Variants in CUL3 observed in about 807,000 individuals in gnomAD.
The protein encoded by CUL3 is cullin 3.
A neutral mutation model predicts 89.1 loss-of-function variants in CUL3; 19 were observed. That is an observed-to-expected ratio of 0.21 (90% CI 0.15 to 0.31). The LOEUF (loss-of-function observed/expected upper bound fraction) is 0.31, where lower values mean the gene tolerates loss of function less well. CUL3 is among the 10% of genes least tolerant of loss of function. The pLI, the probability that CUL3 is intolerant of heterozygous loss-of-function variation, is 1.00. For missense variants in CUL3, 469 were observed against 942.3 expected (o/e 0.50, Z 6.58); for synonymous variants, 351 against 308.4 (o/e 1.14, Z -1.45).
At chr2:224,558,513 G>A (rs1239918901) in intron 1 of CUL3, among the ~76,000 whole-genome samples, 1 of 152,064 alleles carries the variant, frequency 6.6e-6, no homozygotes, top group Non-Finnish European at 1.5e-5. Context: ...CTGATTTTAT[G>A]CCAATAAAAC....
chr2:224,478,451 C>T (rs1691404575), intron 14 of CUL3, 106 bp from the exon 15 acceptor site: 1 of 1,015,082 alleles, frequency 9.9e-7, no homozygotes, highest in Admixed American at 2.6e-5. Context: ...CCAATTTCAG[C>T]CTCTGAATAT....
chr2:224,559,260 G>A (rs1235265081), intron 1 of CUL3, among the ~76,000 whole-genome samples: 1 of 151,718 alleles, frequency 6.6e-6, no homozygotes, highest in Non-Finnish European at 1.5e-5. Flanking sequence ...GACCAGCCTG[G>A]GCAATACAGT....
At chr2:224,531,224 T>C (rs1221374782) in intron 3 of CUL3, among the ~76,000 whole-genome samples, 1 of 151,518 alleles carries the variant, frequency 6.6e-6, no homozygotes, top group East Asian at 1.9e-4. Flanking sequence ...GTAGCTGGCA[T>C]CATAGGCACG....
At chr2:224,520,789 T>C (rs1265793678) in intron 3 of CUL3, among the ~76,000 whole-genome samples, 1 of 152,216 alleles carries the variant, frequency 6.6e-6, no homozygotes, top group Non-Finnish European at 1.5e-5. Context: ...AGACCACAGA[T>C]ATTACTACTT....
At chr2:224,579,737 T>G (rs1695391169) in intron 1 of CUL3, among the ~76,000 whole-genome samples, 1 of 152,186 alleles carries the variant, frequency 6.6e-6, no homozygotes, top group Admixed American at 6.5e-5. Flanking sequence ...TGAAGCTACT[T>G]CCAGGACCCC....
rs1692332458 is a variant in CUL3 at position 224,500,351 on chromosome 2, AT to A, written c.1610+11del. 4 of 1,613,680 alleles carry A rather than the reference AT, an allele frequency of 2.5e-6. No individual in the cohort carries two copies. Among genetic ancestry groups the A allele is most frequent in the Middle Eastern group, 1.6e-4 (1 of 6,084 alleles). On this transcript the variant is annotated intron_variant, in intron 11 of 15. Coordinates refer to ENST00000264414, the MANE Select transcript of CUL3 (RefSeq NM_003590.5). ...CTTGTACACAGTGATACAAAGTCTG[AT>A]TTTGATTTACCTTCTGAATATCTCA...
chr2:224,532,835 T>C (rs1168602247), intron 3 of CUL3: 4 of 152,076 alleles, frequency 2.6e-5, no homozygotes, highest in South Asian at 2.1e-4. Context: ...TAGAAAGGGA[T>C]TGACCCATAG....
At chr2:224,570,003 T>G (rs1207407695) in intron 1 of CUL3, among the ~76,000 whole-genome samples, 1 of 140,596 alleles carries the variant, frequency 7.1e-6, no homozygotes, top group African/African-American at 2.6e-5. Context: ...ATCTGAGGAA[T>G]GGCAGTATTT....
rs1384240901 is a variant in CUL3, at chr2:224,557,830, G to A, written c.93C>T (p.Asn31=). 7.5e-7 allele frequency: 1 copy of A among 1,335,874 alleles called. No homozygotes were observed. Among genetic ancestry groups the A allele is most frequent in the African/African-American group, 1.8e-5 (1 of 55,980 alleles). 82.8% of individuals were successfully genotyped at this position (1,335,874 alleles called of 1,614,324 possible). ...FPMTMDEKYV[N]SIWDLLKNAI... ...CATTTTTCAGAAGGTCCCAAATGCT[G>A]TTTACATATTTTTCATCCATGGTCA... The change falls in exon 2 of 16, where the codon AAC becomes AAT. Residue 31 remains asparagine (N), a synonymous_variant. Coordinates refer to ENST00000264414, the MANE Select transcript of CUL3 (RefSeq NM_003590.5).
chr2:224,514,004 G>C (rs745917084), intron 4 of CUL3, among the ~76,000 whole-genome samples: 4 of 152,176 alleles, frequency 2.6e-5, no homozygotes, highest in Non-Finnish European at 4.4e-5. Context: ...ATAACTTTTT[G>C]CACTACATGG....
intron 1 of CUL3, among the ~76,000 whole-genome samples, chr2:224,560,892 T>C (rs934077436): frequency 2.6e-5 from 4 of 152,230 alleles, no homozygotes; most frequent in African/African-American, 4.8e-5. Context: ...CATCCATTTT[T>C]TCCTTTTGTT....
intron 13 of CUL3, among the ~76,000 whole-genome samples, chr2:224,487,748 T>C (rs13024162): frequency 0.18 from 28,020 of 151,652 alleles, 2,889 homozygotes; most frequent in South Asian, 0.27. Flanking sequence ...AGCTCTCGAC[T>C]AACAGACATC....
intron 2 of CUL3, among the ~76,000 whole-genome samples, chr2:224,549,862 GCACACA>G (rs138838580): frequency 6.6e-6 from 1 of 150,476 alleles, no homozygotes; most frequent in Non-Finnish European, 1.5e-5. Context: ...ATATATGCGT[GCACACA>G]CACACACACG....
intron 13 of CUL3, among the ~76,000 whole-genome samples, chr2:224,484,184 T>C (rs985194608): frequency 1.3e-5 from 2 of 152,052 alleles, no homozygotes; most frequent in Non-Finnish European, 2.9e-5. Context: ...TTTTTTTTTT[T>C]AGTATTTGAT....
intron 1 of CUL3, among the ~76,000 whole-genome samples, chr2:224,581,675 G>A (rs1026227686): frequency 1.3e-5 from 2 of 151,348 alleles, no homozygotes; most frequent in Non-Finnish European, 2.9e-5. Context: ...GCAAATTTTT[G>A]TATTTTTAGT....
chr2:224,582,147 G>A (rs1695456321), intron 1 of CUL3, among the ~76,000 whole-genome samples: 1 of 152,038 alleles, frequency 6.6e-6, no homozygotes, highest in South Asian at 2.1e-4. Flanking sequence ...TGTATTTTAA[G>A]TAGAGATGGG....
At chr2:224,541,888 AG>A (rs1258249286) in intron 2 of CUL3, among the ~76,000 whole-genome samples, 4 of 152,210 alleles carry the variant, frequency 2.6e-5, no homozygotes, top group African/African-American at 9.7e-5. Context: ...AGTGGTTGTC[AG>A]GAACTAGGGG....
At chr2:224,551,506 AT>A (rs374647901) in intron 2 of CUL3, among the ~76,000 whole-genome samples, 2,484 of 139,536 alleles carry the variant, frequency 0.018, 55 homozygotes, top group African/African-American at 0.058. Context: ...CGCCTGGTCA[AT>A]TTTTTTTTTT....
intron 10 of CUL3, 37 bp downstream of exon 10, chr2:224,502,928 C>T: frequency 6.9e-7 from 1 of 1,443,552 alleles, no homozygotes; most frequent in Non-Finnish European, 9.7e-7. Flanking sequence ...AAAGACTTTA[C>T]ATGAATATCT....
Sources: allele counts gnomAD v4.1 joint callset (sites outside exome capture counted in the v4.1 genomes callset), GRCh38; gene constraint gnomAD v4.1.1; transcripts MANE v1.5; gene names NCBI Gene and HGNC (gene_info 2026-07-23, HGNC 2026-07-21).